The following ADAMTS17 variants were observed in gnomAD, a reference collection of about 807,000 sequenced individuals.
The protein encoded by ADAMTS17 is A disintegrin and metalloproteinase with thrombospondin motifs 17.
ADAMTS17 carries 113 observed loss-of-function variants against 141.5 expected under a neutral mutation model. That is an observed-to-expected ratio of 0.80 (90% CI 0.69 to 0.93). The LOEUF is 0.93. Ranked by LOEUF, ADAMTS17 falls within the 40% of genes least tolerant of loss-of-function variation. The pLI is 0.00. For missense variants in ADAMTS17, 1,659 were observed against 1,517.9 expected (o/e 1.09, Z -1.54); for synonymous variants, 768 against 630.6 (o/e 1.22, Z -3.27).
rs1030104781 is a variant in ADAMTS17 at position 99,974,205 on chromosome 15, T to G, written c.*197A>C. On this transcript the variant is annotated 3_prime_UTR_variant, in exon 22 of 22. Transcript: ENST00000268070. ...ACTCATGCCTACTTTCTCCTCACTG[T>G]AGAAAGCCAGCCAGTGGCTGTTAAC... is the stretch of plus-strand genomic sequence containing the variant. 3 of 664,906 alleles carry G rather than the reference T, an allele frequency of 4.5e-6. No homozygotes were observed. Among genetic ancestry groups the G allele is most frequent in the Non-Finnish European group, 7.7e-6 (3 of 387,996 alleles). 41.2% of individuals were successfully genotyped at this position (664,906 alleles called of 1,614,324 possible).
chr15:100,010,571 C>A (rs1303535062), intron 18 of ADAMTS17, among the ~76,000 whole-genome samples: 1 of 152,212 alleles, frequency 6.6e-6, no homozygotes, highest in Non-Finnish European at 1.5e-5. Flanking sequence ...GCTCCCAGGC[C>A]CTTCCCAAAA....
intron 8 of ADAMTS17, among the ~76,000 whole-genome samples, chr15:100,174,348 A>C (rs1399432156): frequency 6.6e-6 from 1 of 151,604 alleles, no homozygotes; most frequent in East Asian, 1.9e-4. Flanking sequence ...CCTGACAGGG[A>C]ATATTCTAAG....
chr15:99,998,581 G>A (rs1196810100), intron 18 of ADAMTS17, among the ~76,000 whole-genome samples: 1 of 152,184 alleles, frequency 6.6e-6, no homozygotes, highest in Non-Finnish European at 1.5e-5. Flanking sequence ...TCCAGCCTGG[G>A]TGACAGAGTG....
chr15:100,310,974 A>G (rs1251984088), intron 3 of ADAMTS17, among the ~76,000 whole-genome samples: 1 of 152,226 alleles, frequency 6.6e-6, no homozygotes, highest in Non-Finnish European at 1.5e-5. Context: ...AAAACGCTCA[A>G]CAAAACTGGG....
At chr15:100,340,811 G>A (rs1335370680) in intron 2 of ADAMTS17, among the ~76,000 whole-genome samples, 1 of 152,154 alleles carries the variant, frequency 6.6e-6, no homozygotes, top group Non-Finnish European at 1.5e-5. Flanking sequence ...CGGGTTCCAC[G>A]GGCTGCAGAG....
At chr15:100,339,042 A>G (rs2046288444) in intron 2 of ADAMTS17, 3 of 985,562 alleles carry the variant, frequency 3.0e-6, no homozygotes, top group Non-Finnish European at 3.6e-6. Context: ...AACGGGATGA[A>G]CAAGGCAGAC....
rs551463881 is a variant in ADAMTS17 at position 100,341,778 on chromosome 15, C to T, written c.79+43G>A. On this transcript the variant is annotated intron_variant, in intron 1 of 21. Transcript: ENST00000268070. ...CCGCGAGAACGCAGAGGGAAGGTAG[C>T]CGCAGGACGCGGGGTGAAGAGGGCT... 19 of 1,541,752 alleles carry T rather than the reference C, an allele frequency of 1.2e-5. No individual in the cohort carries two copies. The African/African-American group carries it at 2.5e-4, about 20-fold the overall frequency.
chr15:100,281,209 G>A lies in ADAMTS17; in HGVS notation c.789+20C>T. The stretch of plus-strand genomic sequence containing the variant: ...GAGAAAACAGAGCCCCCCACATCAG[G>A]ACCCCGGCTCCGGACTCACCATGTT... On this transcript the variant is annotated intron_variant, in intron 4 of 21. Transcript: ENST00000268070. 1.2e-6 allele frequency: 2 copies of A among 1,601,458 alleles called. No individual in the cohort carries two copies. The highest frequency in any genetic ancestry group is 1.3e-5 in the African/African-American group (1 of 74,946).
At chr15:100,008,407 C>T (rs962458220) in intron 18 of ADAMTS17, among the ~76,000 whole-genome samples, 2 of 152,174 alleles carry the variant, frequency 1.3e-5, no homozygotes, top group African/African-American at 4.8e-5. Context: ...GGACCCTGCC[C>T]ACAGGTGGTG....
rs142348715 is a variant in ADAMTS17, at chr15:100,008,304, A to T, written c.2592-10715T>A. Among the ~76,000 whole-genome samples, 113 of 152,146 alleles carry T rather than the reference A, an allele frequency of 7.4e-4. 1 individual carries two copies. The highest frequency in any genetic ancestry group is 2.7e-3 in the African/African-American group (111 of 41,506). On this transcript the variant is annotated intron_variant, in intron 18 of 21. Transcript: ENST00000268070. The stretch of plus-strand genomic sequence containing the variant: ...TGTACTGTGTGAGGAAGAGGAGAGG[A>T]CAAGGGGATTTCTGTGGCCAGGGGA...
chr15:100,180,324 T>C (rs866166826), intron 8 of ADAMTS17, among the ~76,000 whole-genome samples: 1 of 152,204 alleles, frequency 6.6e-6, no homozygotes, highest in African/African-American at 2.4e-5. Flanking sequence ...ATGAGTTCAC[T>C]GTAGATGTAT....
At chr15:100,182,153 G>C (rs1417101756) in intron 8 of ADAMTS17, among the ~76,000 whole-genome samples, 3 of 152,210 alleles carry the variant, frequency 2.0e-5, no homozygotes, top group African/African-American at 7.2e-5. Flanking sequence ...GATTTAACAT[G>C]TGGACTCACA....
intron 3 of ADAMTS17, among the ~76,000 whole-genome samples, chr15:100,310,347 T>G (rs190788473): frequency 6.6e-6 from 1 of 152,216 alleles, no homozygotes; most frequent in African/African-American, 2.4e-5. Flanking sequence ...AGCAGCCACA[T>G]CCCTGGCAGC....
intron 8 of ADAMTS17, among the ~76,000 whole-genome samples, chr15:100,171,759 T>C (rs2040169005): frequency 6.6e-6 from 1 of 152,184 alleles, no homozygotes; most frequent in Non-Finnish European, 1.5e-5. Flanking sequence ...CCTGGCTCAG[T>C]GCTCACCACA....
At chr15:100,192,726 A>T (rs1230629561) in intron 8 of ADAMTS17, among the ~76,000 whole-genome samples, 1 of 152,204 alleles carries the variant, frequency 6.6e-6, no homozygotes, top group African/African-American at 2.4e-5. Context: ...TACAAATCAC[A>T]GACAAGCATT....
At chr15:100,009,785 T>G (rs1246004482) in intron 18 of ADAMTS17, among the ~76,000 whole-genome samples, 1 of 152,184 alleles carries the variant, frequency 6.6e-6, no homozygotes, top group Non-Finnish European at 1.5e-5. Context: ...TCATCTTAAT[T>G]TTTTTTTCTA....
intron 8 of ADAMTS17, among the ~76,000 whole-genome samples, chr15:100,179,880 T>C (rs1042414394): frequency 6.6e-6 from 1 of 152,220 alleles, no homozygotes; most frequent in Non-Finnish European, 1.5e-5. Flanking sequence ...GATTATAAGA[T>C]TTTTTCCTAA....
At chr15:100,109,769 C>T (rs542134521) in intron 13 of ADAMTS17, among the ~76,000 whole-genome samples, 101 of 152,228 alleles carry the variant, frequency 6.6e-4, no homozygotes, top group Admixed American at 3.6e-3. Flanking sequence ...TCCCAGAACG[C>T]GCCCAGCTCC....
At chr15:100,214,595 C>A (rs1443067229) in intron 7 of ADAMTS17, among the ~76,000 whole-genome samples, 1 of 152,134 alleles carries the variant, frequency 6.6e-6, no homozygotes, top group African/African-American at 2.4e-5. Flanking sequence ...TCAAGACTAT[C>A]TTCTGGAGGA....
Sources: allele counts gnomAD v4.1 joint callset (sites outside exome capture counted in the v4.1 genomes callset), GRCh38; gene constraint gnomAD v4.1.1; transcripts MANE v1.5; gene names NCBI Gene and HGNC (gene_info 2026-07-23, HGNC 2026-07-21).